SORCS2: variants seen among roughly 807,000 people sequenced by gnomAD.
SORCS2 encodes the protein sortilin related VPS10 domain containing receptor 2.
Under a neutral mutation model 141.6 loss-of-function variants are expected in SORCS2, and 100 were observed. That is an observed-to-expected ratio of 0.71 (90% CI 0.60 to 0.83). The LOEUF is 0.83. Among genes scored for constraint, SORCS2 ranks in the 40% least tolerant of loss-of-function variants. The pLI, the probability that SORCS2 is intolerant of heterozygous loss-of-function variation, is 0.00. For missense variants in SORCS2, 1,646 were observed against 1,560.2 expected, an observed-to-expected ratio of 1.05 and a Z score of -0.93; for synonymous variants, 789 against 676.9, an observed-to-expected ratio of 1.17 and a Z score of -2.57.
intron 3 of SORCS2, among the ~76,000 whole-genome samples, chr4:7,533,172 G>A (rs1050596393): frequency 6.6e-6 from 1 of 152,202 alleles, no homozygotes; most frequent in Non-Finnish European, 1.5e-5. Context: ...CAGGGGGCCT[G>A]GATTTGAACC....
Position 7,426,112 on chromosome 4 carries a change from C to G in SORCS2, c.548+29757C>G, listed in dbSNP as rs549941530. Among the ~76,000 whole-genome samples, 3 of 152,186 alleles carry G rather than the reference C, an allele frequency of 2.0e-5. 1 individual carries two copies. Among genetic ancestry groups the G allele is most frequent in the African/African-American group, 7.2e-5 (3 of 41,442 alleles). ...TGCTGTTCATCAGTGTATGTCCTCC[C>G]GAAACAGATGCACTCACAAGGCCGC... is the stretch of plus-strand genomic sequence containing the variant. On this transcript the variant is annotated intron_variant, in intron 2 of 26. Coordinates refer to ENST00000507866, the MANE Select transcript of SORCS2 (RefSeq NM_020777.3).
intron 2 of SORCS2, among the ~76,000 whole-genome samples, chr4:7,508,868 C>CA (rs963691333): frequency 6.6e-6 from 1 of 151,882 alleles, no homozygotes; most frequent in African/African-American, 2.4e-5. Flanking sequence ...TAAAATAGAC[C>CA]AAAAAAGGGA....
chr4:7,249,596 G>A (rs1296772464), intron 1 of SORCS2, among the ~76,000 whole-genome samples: 1 of 152,152 alleles, frequency 6.6e-6, no homozygotes. Context: ...TTGTCTAGGG[G>A]CTTTTCTGTG....
intron 2 of SORCS2, among the ~76,000 whole-genome samples, chr4:7,413,243 C>T: frequency 6.6e-6 from 1 of 152,046 alleles, no homozygotes; most frequent in East Asian, 1.9e-4. Flanking sequence ...TGTGTTAACC[C>T]CACCTCATGA....
intron 2 of SORCS2, among the ~76,000 whole-genome samples, chr4:7,501,881 C>T (rs1731997164): frequency 1.3e-5 from 2 of 152,172 alleles, no homozygotes; most frequent in South Asian, 4.1e-4. Flanking sequence ...AACAGTCACC[C>T]CTGATCTCTC....
intron 4 of SORCS2, among the ~76,000 whole-genome samples, chr4:7,639,024 G>C (rs1720457589): frequency 6.6e-6 from 1 of 152,152 alleles, no homozygotes; most frequent in Non-Finnish European, 1.5e-5. Context: ...TGGGGGAGCG[G>C]GGGGCCAGCC....
At chr4:7,495,656 G>C (rs571174434) in intron 2 of SORCS2, among the ~76,000 whole-genome samples, 9 of 152,220 alleles carry the variant, frequency 5.9e-5, no homozygotes, top group African/African-American at 1.9e-4. Flanking sequence ...GGCCATGGAC[G>C]TCAGTCACCT....
At chr4:7,305,424 G>T (rs1717749448) in intron 1 of SORCS2, among the ~76,000 whole-genome samples, 1 of 150,706 alleles carries the variant, frequency 6.6e-6, no homozygotes, top group Admixed American at 6.6e-5. Context: ...AAGGAGGGGT[G>T]CCCGGCCAGT....
At chr4:7,278,410 G>C (rs965501491) in intron 1 of SORCS2, among the ~76,000 whole-genome samples, 2 of 152,146 alleles carry the variant, frequency 1.3e-5, no homozygotes, top group African/African-American at 4.8e-5. Flanking sequence ...GAGAGGGGGT[G>C]GGGGGCAGAC....
Position 7,452,890 on chromosome 4 carries a change from G to GGT in SORCS2, c.548+56536_548+56537insTG, listed in dbSNP as rs1728565072. Reference sequence around the variant, plus strand: ...GGGGTCAGGTGCCGTGTTGGGGTCAGGCGCTGTGTTGGGGTCAGGTGCTGT... The same window carrying GGT: ...GGGGTCAGGTGCCGTGTTGGGGTCAGGTGCGCTGTGTTGGGGTCAGGTGCTGT... On this transcript the variant is annotated intron_variant, in intron 2 of 26. Coordinates refer to ENST00000507866, the MANE Select transcript of SORCS2 (RefSeq NM_020777.3). 4.8e-5 allele frequency among the ~76,000 whole-genome samples: 7 copies of GGT among 146,894 alleles called. 2 individuals are homozygous for GGT. Among genetic ancestry groups the GGT allele is most frequent in the East Asian group, 2.0e-4 (1 of 4,920 alleles).
At chr4:7,194,224 G>C (rs1465570153) in intron 1 of SORCS2, among the ~76,000 whole-genome samples, 1 of 152,116 alleles carries the variant, frequency 6.6e-6, no homozygotes, top group Non-Finnish European at 1.5e-5. Context: ...TCCCCTAGGA[G>C]ACCTCTTCTC....
chr4:7,574,178 G>A (rs890920039), intron 3 of SORCS2, among the ~76,000 whole-genome samples: 5 of 152,246 alleles, frequency 3.3e-5, no homozygotes, highest in Admixed American at 6.5e-5. Context: ...TCAGAGAAGC[G>A]GGTTGGGTCC....
At chr4:7,639,499 T>G (rs1577879761) in intron 4 of SORCS2, among the ~76,000 whole-genome samples, 2 of 139,544 alleles carry the variant, frequency 1.4e-5, no homozygotes, top group African/African-American at 2.5e-5. Context: ...TGTGTGGGGG[T>G]GGGTGTGAAT....
chr4:7,409,031 G>A (rs1156639677), intron 2 of SORCS2, among the ~76,000 whole-genome samples: 1 of 152,110 alleles, frequency 6.6e-6, no homozygotes, highest in African/African-American at 2.4e-5. Context: ...TTAATTCTTG[G>A]TCAAGGAGCT....
chr4:7,452,840 C>T (rs1355171688), intron 2 of SORCS2, among the ~76,000 whole-genome samples: 1 of 149,666 alleles, frequency 6.7e-6, no homozygotes, highest in Non-Finnish European at 1.5e-5. Context: ...GGGTCAGGTG[C>T]TGTGTTGGGG....
intron 1 of SORCS2, among the ~76,000 whole-genome samples, chr4:7,230,646 T>C (rs369726910): frequency 3.5e-4 from 36 of 102,032 alleles, no homozygotes; most frequent in South Asian, 6.8e-4. Flanking sequence ...TGTGCTCATG[T>C]ATGAAGGAGA....
At chr4:7,430,587 G>C (rs1001457003) in intron 2 of SORCS2, 1 of 147,132 alleles carries the variant, frequency 6.8e-6, no homozygotes, top group Non-Finnish European at 1.5e-5. Context: ...GTACTTGCTC[G>C]GCTCTGGCAG....
chr4:7,652,297 G>A (rs1305550725), intron 4 of SORCS2, among the ~76,000 whole-genome samples: 1 of 152,188 alleles, frequency 6.6e-6, no homozygotes, highest in African/African-American at 2.4e-5. Context: ...CCTTGCCCGT[G>A]GCCCTGGCAA....
intron 1 of SORCS2, among the ~76,000 whole-genome samples, chr4:7,370,201 C>T (rs1722160103): frequency 6.6e-6 from 1 of 152,190 alleles, no homozygotes; most frequent in Non-Finnish European, 1.5e-5. Context: ...GGCATAACCA[C>T]CAGGCTGGGC....
Sources: allele counts gnomAD v4.1 joint callset (sites outside exome capture counted in the v4.1 genomes callset), GRCh38; gene constraint gnomAD v4.1.1; transcripts MANE v1.5; gene names NCBI Gene and HGNC (gene_info 2026-07-23, HGNC 2026-07-21).